Variants in AKAP19 observed in about 807,000 individuals in gnomAD.
AKAP19 encodes the protein small A-kinase anchoring protein.
the AKAP19 span, chr2:190,056,073 A>G: frequency 6.6e-6 from 1 of 152,532 alleles, no homozygotes; most frequent in Non-Finnish European, 1.5e-5. Flanking sequence ...AATGTTAATC[A>G]TGTAAAAAAA....
chr2:189,940,278 CA>C, the AKAP19 span, among the ~76,000 whole-genome samples: 513 of 109,412 alleles, frequency 4.7e-3, 1 homozygote, highest in South Asian at 0.02. Context: ...GACTTCATCT[CA>C]AAAAAAAAAA....
chr2:190,070,889 G>A, the AKAP19 span, among the ~76,000 whole-genome samples: 1 of 152,224 alleles, frequency 6.6e-6, no homozygotes, highest in Non-Finnish European at 1.5e-5. Context: ...CCTTTACTTA[G>A]ATTTTCATCA....
At chr2:190,077,298 C>T in the AKAP19 span, among the ~76,000 whole-genome samples, 1 of 151,724 alleles carries the variant, frequency 6.6e-6, no homozygotes, top group South Asian at 2.1e-4. Flanking sequence ...CAACCTCTGC[C>T]TCTTGAATTC....
At chr2:190,048,448 C>G in the AKAP19 span, among the ~76,000 whole-genome samples, 2 of 152,176 alleles carry the variant, frequency 1.3e-5, no homozygotes, top group Non-Finnish European at 2.9e-5. Flanking sequence ...TATCCAATCA[C>G]TACTCAATGT....
At chr2:190,073,280 A>G in the AKAP19 span, among the ~76,000 whole-genome samples, 1 of 152,214 alleles carries the variant, frequency 6.6e-6, no homozygotes, top group African/African-American at 2.4e-5. Flanking sequence ...GAATACTCTG[A>G]AAAGTGCCAG....
chr2:190,137,352 T>G, the AKAP19 span, among the ~76,000 whole-genome samples: 2 of 152,232 alleles, frequency 1.3e-5, no homozygotes, highest in Non-Finnish European at 2.9e-5. Context: ...TTAAATTGAA[T>G]GGTTTGCAGT....
At chr2:190,041,922 A>T in the AKAP19 span, among the ~76,000 whole-genome samples, 1 of 151,806 alleles carries the variant, frequency 6.6e-6, no homozygotes, top group African/African-American at 2.4e-5. Flanking sequence ...GTTTGCAAGT[A>T]TTTTTTTTAA....
the AKAP19 span, among the ~76,000 whole-genome samples, chr2:189,967,928 G>A: frequency 6.6e-6 from 1 of 152,026 alleles, no homozygotes; most frequent in Admixed American, 6.6e-5. Flanking sequence ...TAAAATATTG[G>A]AGAGCAATAG....
the AKAP19 span, among the ~76,000 whole-genome samples, chr2:190,196,148 C>G: frequency 2.6e-5 from 4 of 151,950 alleles, 1 homozygote; most frequent in East Asian, 5.8e-4. Context: ...TCCCCAACCC[C>G]CAATGTTCTT....
At chr2:190,184,120 G>A in the AKAP19 span, among the ~76,000 whole-genome samples, 3 of 152,104 alleles carry the variant, frequency 2.0e-5, no homozygotes, top group Admixed American at 2.0e-4. Flanking sequence ...CATGGGAAGA[G>A]CCTTGTATTT....
At chr2:189,899,530 C>G in the AKAP19 span, among the ~76,000 whole-genome samples, 2 of 152,160 alleles carry the variant, frequency 1.3e-5, no homozygotes, top group African/African-American at 4.8e-5. Context: ...TCCACTCTTT[C>G]TTGCTGCATG....
At chr2:190,077,595 G>A in the AKAP19 span, among the ~76,000 whole-genome samples, 1 of 152,272 alleles carries the variant, frequency 6.6e-6, no homozygotes, top group Non-Finnish European at 1.5e-5. Flanking sequence ...GAGCCACCGT[G>A]CACAGTCATT....
chr2:190,120,547 A>T, the AKAP19 span, among the ~76,000 whole-genome samples: 1 of 152,242 alleles, frequency 6.6e-6, no homozygotes, highest in African/African-American at 2.4e-5. Context: ...GTTACATGAC[A>T]GGAGAAACAA....
At chr2:190,200,274 C>CTAT in the AKAP19 span, 1 of 750,828 alleles carries the variant, frequency 1.3e-6, no homozygotes, top group East Asian at 2.6e-5. Context: ...GATAATGTCA[C>CTAT]TATTATAAGA....
At chr2:190,130,427 G>A in the AKAP19 span, among the ~76,000 whole-genome samples, 9 of 152,116 alleles carry the variant, frequency 5.9e-5, no homozygotes, top group South Asian at 2.1e-4. Context: ...ATATTCAAAC[G>A]TATCATTTTA....
the AKAP19 span, among the ~76,000 whole-genome samples, chr2:190,120,450 A>C: frequency 5.3e-5 from 8 of 152,356 alleles, no homozygotes; most frequent in Non-Finnish European, 1.2e-4. Flanking sequence ...CACTGAAAGC[A>C]TAAAGGATAA....
chr2:190,169,430 G>C, the AKAP19 span, among the ~76,000 whole-genome samples: 14,465 of 152,216 alleles, frequency 0.095, 754 homozygotes, highest in Middle Eastern at 0.14. Context: ...ATCTCACTAA[G>C]AGCATGAGGC....
the AKAP19 span, among the ~76,000 whole-genome samples, chr2:190,080,781 T>G: frequency 3.3e-5 from 5 of 152,334 alleles, no homozygotes; most frequent in South Asian, 1.0e-3. Flanking sequence ...TAGATTTTGT[T>G]GTCAGAATGG....
At chr2:190,105,080 G>A in the AKAP19 span, among the ~76,000 whole-genome samples, 1 of 152,142 alleles carries the variant, frequency 6.6e-6, no homozygotes, top group Non-Finnish European at 1.5e-5. Flanking sequence ...ACAGTTCGGA[G>A]ATTTCTCAAA....
Sources: gnomAD v4.1 joint callset for allele counts (sites outside exome capture counted in the v4.1 genomes callset) on GRCh38, gnomAD v4.1.1 for gene constraint, MANE v1.5 for transcripts, NCBI Gene and HGNC (gene_info 2026-07-23, HGNC 2026-07-21) for gene names.